PBRM1: variants seen among roughly 807,000 people sequenced by gnomAD.
PBRM1 encodes polybromo 1, also known as protein polybromo-1.
Under a neutral mutation model 194.5 loss-of-function variants are expected in PBRM1, and 27 were observed. That is an observed-to-expected ratio of 0.14 (90% CI 0.10 to 0.19). PBRM1 has a LOEUF of 0.19. Ranked by LOEUF, PBRM1 falls within the 10% of genes least tolerant of loss-of-function variation. PBRM1 has a pLI of 1.00. For synonymous variants in PBRM1, 655 were observed against 693.2 expected, an observed-to-expected ratio of 0.94 and a Z score of 0.87; for missense variants, 1,466 against 2,077.2, an observed-to-expected ratio of 0.71 and a Z score of 5.72.
At chr3:52,658,473 C>A (rs1306250829) in intron 4 of PBRM1, among the ~76,000 whole-genome samples, 158 bp from the exon 6 acceptor site, 4 of 151,060 alleles carry the variant, frequency 2.6e-5, no homozygotes, top group African/African-American at 4.9e-5. Flanking sequence ...CAGCTCACTG[C>A]AACCTCCACC....
chr3:52,610,053 G>A lies in PBRM1; in HGVS notation c.1925-98C>T, dbSNP rs2094530562. The stretch of plus-strand genomic sequence containing the variant: ...CACAAGGGACGATTCCAAGTAATTT[G>A]TAAAATCTAGCAATTAGCATGTCTA... On this transcript the variant is annotated intron_variant, in intron 15 of 29. Coordinates refer to ENST00000296302, the Ensembl canonical transcript of PBRM1. The A allele has an allele frequency of 4.2e-6, 3 of 711,898 alleles. No homozygotes were observed. In the East Asian group the frequency reaches 8.5e-5, roughly 20 times the overall value. 44.1% of individuals were successfully genotyped at this position (711,898 alleles called of 1,614,324 possible).
chr3:52,624,947 A>C lies in PBRM1; in HGVS notation c.1541+2326T>G, dbSNP rs1411444748. 1.3e-6 allele frequency: 2 copies of C among 1,545,242 alleles called. No homozygotes were observed. The highest frequency in any genetic ancestry group is 1.8e-6 in the Non-Finnish European group (2 of 1,142,112). On this transcript the variant is annotated intron_variant, in intron 13 of 29. Coordinates refer to ENST00000296302, the Ensembl canonical transcript of PBRM1. ...TCTCACTGTCATGAGTGTTCCTGGG[A>C]AAGCAGAAACAAACATTACATGTAA...
intron 13 of PBRM1, among the ~76,000 whole-genome samples, chr3:52,621,072 G>T (rs2095254779): frequency 1.3e-5 from 2 of 152,258 alleles, no homozygotes; most frequent in East Asian, 3.9e-4. Flanking sequence ...TTTCCAATAT[G>T]GAGGCTGAGC....
chr3:52,624,950 G>A lies in PBRM1; in HGVS notation c.1541+2323C>T. 3 of 1,543,650 alleles carry A rather than the reference G, an allele frequency of 1.9e-6. No individual in the cohort carries two copies. The highest frequency in any genetic ancestry group is 2.6e-6 in the Non-Finnish European group (3 of 1,140,710). On this transcript the variant is annotated intron_variant, in intron 13 of 29. Transcript: ENST00000296302. ...CACTGTCATGAGTGTTCCTGGGAAA[G>A]CAGAAACAAACATTACATGTAAAGA...
intron 2 of PBRM1, among the ~76,000 whole-genome samples, chr3:52,675,931 T>C (rs1022084760): frequency 9.5e-6 from 1 of 105,062 alleles, no homozygotes; most frequent in Non-Finnish European, 1.9e-5. Flanking sequence ...CCGGCTAAAA[T>C]GGTGAAACCC....
At chr3:52,623,376 A>G (rs1210332856) in intron 13 of PBRM1, among the ~76,000 whole-genome samples, 1 of 152,262 alleles carries the variant, frequency 6.6e-6, no homozygotes, top group Non-Finnish European at 1.5e-5. Context: ...AAGGTGTCCC[A>G]GCATTTAGCT....
chr3:52,636,161 A>G (rs1008966905), intron 10 of PBRM1, among the ~76,000 whole-genome samples: 4 of 151,948 alleles, frequency 2.6e-5, no homozygotes, highest in South Asian at 2.1e-4. Context: ...GTGAGCCACC[A>G]CGCCCAGCCT....
intron 17 of PBRM1, among the ~76,000 whole-genome samples, chr3:52,599,527 G>T (rs2093831169): frequency 1.3e-5 from 2 of 151,690 alleles, no homozygotes; most frequent in Non-Finnish European, 1.5e-5. Context: ...AATTTTTACT[G>T]TTGGCCAGGC....
At chr3:52,566,048 T>TCAAAA (rs143319527) in intron 22 of PBRM1, among the ~76,000 whole-genome samples, 17 of 151,230 alleles carry the variant, frequency 1.1e-4, no homozygotes, top group South Asian at 6.3e-4. Context: ...AGACTCTGTC[T>TCAAAA]CAAAACAAAA....
intron 3 of PBRM1, among the ~76,000 whole-genome samples, chr3:52,664,544 T>C (rs12488527): frequency 0.34 from 51,761 of 151,470 alleles, 9,854 homozygotes; most frequent in Admixed American, 0.46. Flanking sequence ...AAGTCCAGCC[T>C]GGCCAACGTG....
At chr3:52,645,506 C>CT (rs78147048) in intron 7 of PBRM1, among the ~76,000 whole-genome samples, 7,978 of 138,048 alleles carry the variant, frequency 0.058, 410 homozygotes, top group African/African-American at 0.14. Flanking sequence ...CTCAGCATAC[C>CT]TTTTTTTTTT....
Position 52,565,931 on chromosome 3 carries a change from T to C in PBRM1, c.3692-1698A>G, listed in dbSNP as rs140676153. Among the ~76,000 whole-genome samples, 130 of 151,926 alleles carry C rather than the reference T, an allele frequency of 8.6e-4. 2 individuals are homozygous for C. The East Asian group carries it at 0.024, about 28-fold the overall frequency. ...GGGGTGTGGTTGCAGGCGCCTGTAG[T>C]CCCAGCTAGTCATGAGGCTGAGGCA... is the stretch of plus-strand genomic sequence containing the variant. On this transcript the variant is annotated intron_variant, in intron 22 of 29. Transcript: ENST00000296302.
At chr3:52,620,272 T>G (rs1386518766) in intron 13 of PBRM1, among the ~76,000 whole-genome samples, 1 of 152,184 alleles carries the variant, frequency 6.6e-6, no homozygotes, top group Non-Finnish European at 1.5e-5. Context: ...GAACCTGACT[T>G]TGAAGTCAGA....
At chr3:52,546,265 CAAAAT>C (rs932114865), downstream of PBRM1, 1 of 232,876 alleles carries the variant, frequency 4.3e-6, no homozygotes, top group Non-Finnish European at 8.5e-6. Context: ...TGTCTAGAAA[CAAAAT>C]AATCTGATTG....
rs752454272 is a variant in PBRM1 at position 52,579,032 on chromosome 3, T to C, written c.3533+22A>G. 9 of 1,612,682 alleles carry C rather than the reference T, an allele frequency of 5.6e-6. No individual in the cohort carries two copies. The African/African-American group carries it at 1.2e-4, about 22-fold the overall frequency. On this transcript the variant is annotated intron_variant, in intron 21 of 29. Coordinates refer to ENST00000296302, the Ensembl canonical transcript of PBRM1. Reference sequence around the variant, plus strand: ...AAATTTCTCAGATTCAACCTCATCTTCCCTAATTCAATGACACTCACCTGC... The same window carrying C: ...AAATTTCTCAGATTCAACCTCATCTCCCCTAATTCAATGACACTCACCTGC...
intron 2 of PBRM1, among the ~76,000 whole-genome samples, chr3:52,674,008 G>A (rs890067007): frequency 4.0e-5 from 6 of 150,600 alleles, no homozygotes; most frequent in East Asian, 1.9e-4. Context: ...CCATGATCAC[G>A]CCACTGCACT....
At chr3:52,583,913 G>A (rs2091894448) in intron 20 of PBRM1, among the ~76,000 whole-genome samples, 1 of 152,088 alleles carries the variant, frequency 6.6e-6, no homozygotes, top group Non-Finnish European at 1.5e-5. Context: ...CCAAAATGCT[G>A]GGATTACAGG....
At chr3:52,587,586 TTTTTA>T in intron 18 of PBRM1, 76 bp from the exon 21 acceptor site, 1 of 1,158,260 alleles carries the variant, frequency 8.6e-7, no homozygotes, top group Non-Finnish European at 1.2e-6. Flanking sequence ...TTTTTTTTTT[TTTTTA>T]AAGAGACTGG....
intron 13 of PBRM1, among the ~76,000 whole-genome samples, chr3:52,620,853 T>C (rs1327060591): frequency 6.6e-6 from 1 of 152,220 alleles, no homozygotes; most frequent in East Asian, 1.9e-4. Flanking sequence ...GCAAAATTTC[T>C]ATTACTAGAG....
Sources: allele counts gnomAD v4.1 joint callset (sites outside exome capture counted in the v4.1 genomes callset), GRCh38; gene constraint gnomAD v4.1.1; transcripts MANE v1.5; gene names NCBI Gene and HGNC (gene_info 2026-07-23, HGNC 2026-07-21).